Variants in NOL4 observed in about 807,000 individuals in gnomAD.
NOL4 encodes nucleolar protein 4, also known as cancer/testis antigen 125.
Under a neutral mutation model 75.9 loss-of-function variants are expected in NOL4, and 17 were observed. The ratio of observed to expected loss-of-function variants is 0.22; its 90% confidence interval spans 0.15 to 0.34. The LOEUF is 0.34. Ranked by LOEUF, NOL4 falls within the 10% of genes least tolerant of loss-of-function variation. The pLI is 1.00. For synonymous variants in NOL4, 292 were observed against 289.9 expected, an observed-to-expected ratio of 1.01 and a Z score of -0.07; for missense variants, 614 against 793.5, an observed-to-expected ratio of 0.77 and a Z score of 2.72.
At chr18:33,942,840 G>C (rs566538232) in intron 9 of NOL4, among the ~76,000 whole-genome samples, 2 of 151,930 alleles carry the variant, frequency 1.3e-5, no homozygotes, top group South Asian at 4.2e-4. Context: ...TAACTCGTTA[G>C]TTTTGCTACT....
intron 5 of NOL4, among the ~76,000 whole-genome samples, chr18:34,069,036 G>A (rs1392624608): frequency 2.0e-5 from 3 of 151,774 alleles, no homozygotes; most frequent in Non-Finnish European, 4.4e-5. Context: ...CATAATAAAG[G>A]TAAAGCAAAA....
intron 1 of NOL4, among the ~76,000 whole-genome samples, chr18:34,213,965 A>G (rs956695896): frequency 2.6e-5 from 4 of 152,250 alleles, no homozygotes; most frequent in Non-Finnish European, 4.4e-5. Context: ...TACTCCATAT[A>G]GAATTCTCCA....
At chr18:34,028,030 T>C (rs1186484124) in intron 5 of NOL4, among the ~76,000 whole-genome samples, 1 of 152,198 alleles carries the variant, frequency 6.6e-6, no homozygotes, top group African/African-American at 2.4e-5. Context: ...TGGATGACCA[T>C]TAGGAAAAAC....
chr18:34,187,254 C>CA (rs1040606556), intron 1 of NOL4, among the ~76,000 whole-genome samples: 1 of 152,000 alleles, frequency 6.6e-6, no homozygotes, highest in African/African-American at 2.4e-5. Flanking sequence ...TTGCTTTTTC[C>CA]AGAGTGTCAG....
chr18:33,959,951 G>T (rs923814175), intron 6 of NOL4, among the ~76,000 whole-genome samples: 7 of 152,028 alleles, frequency 4.6e-5, no homozygotes, highest in Admixed American at 3.9e-4. Context: ...GTGTGTGTGT[G>T]TGTGTGCGTG....
chr18:33,990,055 G>A (rs2072801623), intron 6 of NOL4, among the ~76,000 whole-genome samples: 1 of 152,046 alleles, frequency 6.6e-6, no homozygotes, highest in East Asian at 1.9e-4. Flanking sequence ...AAACTATCTT[G>A]TACTAGGGAG....
chr18:34,042,595 C>A (rs1421896978), intron 5 of NOL4, among the ~76,000 whole-genome samples: 7 of 151,936 alleles, frequency 4.6e-5, no homozygotes, highest in Non-Finnish European at 1.5e-5. Flanking sequence ...GAAATGTGAC[C>A]AGTAATTGAA....
chr18:33,883,070 G>C (rs570648688), intron 10 of NOL4, among the ~76,000 whole-genome samples, 174 bp downstream of exon 10: 5 of 152,102 alleles, frequency 3.3e-5, no homozygotes, highest in Admixed American at 1.3e-4. Context: ...GTGGAGGGAG[G>C]GGGGAGCGAT....
chr18:33,919,298 C>T (rs2145243494), intron 9 of NOL4, among the ~76,000 whole-genome samples: 1 of 152,212 alleles, frequency 6.6e-6, no homozygotes, highest in Non-Finnish European at 1.5e-5. Context: ...GTCACAAAAA[C>T]AAGGAGGCAT....
chr18:33,879,889 T>C (rs1483968011), intron 10 of NOL4, among the ~76,000 whole-genome samples: 2 of 152,006 alleles, frequency 1.3e-5, no homozygotes, highest in East Asian at 3.9e-4. Context: ...AAGAGAGAGA[T>C]TGCTGGGTCA....
At chr18:33,952,663 G>A (rs148941544) in intron 8 of NOL4, among the ~76,000 whole-genome samples, 66 of 152,278 alleles carry the variant, frequency 4.3e-4, no homozygotes, top group South Asian at 1.5e-3. Flanking sequence ...GGTGGCTCAC[G>A]CCTGTAATCC....
chr18:33,866,279 T>C (rs2063424744), intron 10 of NOL4, among the ~76,000 whole-genome samples: 1 of 152,158 alleles, frequency 6.6e-6, no homozygotes, highest in African/African-American at 2.4e-5. Flanking sequence ...CTCCTGGACT[T>C]GCTTTTTTTA....
At chr18:34,000,175 G>A (rs899929061) in intron 6 of NOL4, among the ~76,000 whole-genome samples, 6 of 152,020 alleles carry the variant, frequency 3.9e-5, no homozygotes, top group Admixed American at 2.6e-4. Context: ...CCAATCATTC[G>A]GCATTTATCC....
chr18:34,062,235 C>G (rs991029802), intron 5 of NOL4, among the ~76,000 whole-genome samples: 3 of 151,264 alleles, frequency 2.0e-5, no homozygotes, highest in Non-Finnish European at 4.4e-5. Flanking sequence ...TAAAAGATGC[C>G]AAATATCAAA....
At chr18:34,057,880 G>A (rs961258614) in intron 5 of NOL4, among the ~76,000 whole-genome samples, 1 of 152,086 alleles carries the variant, frequency 6.6e-6, no homozygotes, top group Non-Finnish European at 1.5e-5. Flanking sequence ...AAGCTTCTAT[G>A]ATTATTCTGC....
chr18:33,876,896 C>T (rs1449157664), intron 10 of NOL4, among the ~76,000 whole-genome samples: 1 of 151,792 alleles, frequency 6.6e-6, no homozygotes, highest in African/African-American at 2.4e-5. Flanking sequence ...TGATACGTAA[C>T]AAGGGAAACA....
intron 10 of NOL4, among the ~76,000 whole-genome samples, chr18:33,882,430 A>G (rs1488765530): frequency 6.6e-6 from 1 of 152,046 alleles, no homozygotes; most frequent in African/African-American, 2.4e-5. Flanking sequence ...GAAGACATTT[A>G]TGCAGCCAAA....
intron 9 of NOL4, among the ~76,000 whole-genome samples, chr18:33,940,389 T>C (rs2068387212): frequency 1.3e-5 from 2 of 152,114 alleles, no homozygotes; most frequent in Admixed American, 1.3e-4. Flanking sequence ...GATGAGTTCA[T>C]GTCCTTTGCA....
intron 1 of NOL4, among the ~76,000 whole-genome samples, chr18:34,142,815 GTACT>G (rs77784523): frequency 0.098 from 14,868 of 151,996 alleles, 898 homozygotes; most frequent in Non-Finnish European, 0.14. Flanking sequence ...ATGTACCCTA[GTACT>G]TAAAGTCTAA....
Sources: gnomAD v4.1 joint callset for allele counts (sites outside exome capture counted in the v4.1 genomes callset) on GRCh38, gnomAD v4.1.1 for gene constraint, MANE v1.5 for transcripts, NCBI Gene and HGNC (gene_info 2026-07-23, HGNC 2026-07-21) for gene names.